SYT7: variants seen among roughly 807,000 people sequenced by gnomAD.
The protein encoded by SYT7 is synaptotagmin-7.
Under a neutral mutation model 75.1 loss-of-function variants are expected in SYT7, and 29 were observed. The ratio of observed to expected loss-of-function variants is 0.39; its 90% CI spans 0.29 to 0.53. The LOEUF (loss-of-function observed/expected upper bound fraction) is 0.53. Among genes scored for constraint, SYT7 ranks in the 20% least tolerant of loss-of-function variants. The pLI is 0.77. For missense variants in SYT7, 693 were observed against 953.2 expected (o/e 0.73, Z 3.59); for synonymous variants, 376 against 401.7 (o/e 0.94, Z 0.76).
intron 3 of SYT7, among the ~76,000 whole-genome samples, chr11:61,549,082 C>G (rs977226499): frequency 1.3e-5 from 2 of 152,162 alleles, no homozygotes; most frequent in Non-Finnish European, 2.9e-5. Context: ...GGCCTCCCTG[C>G]GTCAGGTATA....
chr11:61,585,624 G>T (rs1342076857), upstream of SYT7, among the ~76,000 whole-genome samples: 1 of 152,134 alleles, frequency 6.6e-6, no homozygotes, highest in African/African-American at 2.4e-5. Context: ...AAACTACTAG[G>T]AGGCAGCTGC....
At chr11:61,549,477 A>G (rs2063286129) in intron 3 of SYT7, among the ~76,000 whole-genome samples, 1 of 152,242 alleles carries the variant, frequency 6.6e-6, no homozygotes, top group Non-Finnish European at 1.5e-5. Flanking sequence ...GCCCTGACGA[A>G]CACAGTTTGG....
chr11:61,522,379 G>A (rs943700636), intron 12 of SYT7, among the ~76,000 whole-genome samples: 37 of 151,582 alleles, frequency 2.4e-4, no homozygotes, highest in African/African-American at 8.3e-4. Context: ...TAGTAGAGAC[G>A]GGGTTTCACC....
intron 3 of SYT7, among the ~76,000 whole-genome samples, chr11:61,548,789 G>A (rs1469512242): frequency 1.3e-5 from 2 of 152,238 alleles, no homozygotes; most frequent in Non-Finnish European, 2.9e-5. Flanking sequence ...TGAGAAAGAT[G>A]AAGAGAGGCT....
chr11:61,530,204 G>A (rs1302228340), intron 8 of SYT7, among the ~76,000 whole-genome samples: 1 of 152,214 alleles, frequency 6.6e-6, no homozygotes, highest in Non-Finnish European at 1.5e-5. Flanking sequence ...AATCCTGAGT[G>A]CCCTTCCACC....
rs952367068 is a variant in SYT7, at chr11:61,551,188, G to A, written c.215+196C>T. 4.6e-5 allele frequency among the ~76,000 whole-genome samples: 7 copies of A among 152,124 alleles called. No homozygotes were observed. Among genetic ancestry groups the A allele is most frequent in the African/African-American group, 1.4e-4 (6 of 41,416 alleles). On this transcript the variant is annotated intron_variant, in intron 3 of 12. Transcript: ENST00000539008. This position sits in a 1 kb window ranked among gnomAD's most constrained non-coding sequence, Gnocchi z 5.3. ...GAGGCCAGGGACTCCGGAGCACTAC[G>A]AGGGGCTTGGGCACAGGCAGAAAAG...
chr11:61,536,913 A>G (rs1394443342), intron 7 of SYT7, among the ~76,000 whole-genome samples: 1 of 152,244 alleles, frequency 6.6e-6, no homozygotes, highest in Non-Finnish European at 1.5e-5. Context: ...CCCAGTTCAC[A>G]GGACACATGC....
At chr11:61,529,847 C>T (rs1010976182) in intron 8 of SYT7, among the ~76,000 whole-genome samples, 32 of 152,156 alleles carry the variant, frequency 2.1e-4, no homozygotes, top group African/African-American at 7.5e-4. Flanking sequence ...GTTGGTCAGG[C>T]GAGTCTCTAA....
At chr11:61,571,408 T>C (rs1410289771) in intron 1 of SYT7, among the ~76,000 whole-genome samples, 2 of 152,176 alleles carry the variant, frequency 1.3e-5, no homozygotes. Context: ...CTCTAGCAGG[T>C]CCATGCACAC....
Position 61,551,565 on chromosome 11 carries a change from G to C in SYT7, c.136-102C>G, listed in dbSNP as rs1392702575. 4.1e-6 allele frequency: 5 copies of C among 1,233,132 alleles called. No individual in the cohort carries two copies. The highest frequency in any genetic ancestry group is 5.8e-6 in the Non-Finnish European group (5 of 858,780). 76.4% of individuals were successfully genotyped at this position (1,233,132 alleles called of 1,614,324 possible). A position where few individuals can be genotyped will look rare whatever the true frequency, so the allele number is the denominator to read the frequency against. The stretch of plus-strand genomic sequence containing the variant: ...GGGGAAGGAGATAGACTGGAGTCGG[G>C]CCGTGGCAACAAGGCCAGGACCAGT... On this transcript the variant is annotated intron_variant, in intron 2 of 12. Transcript: ENST00000539008. The surrounding 1 kb of genome is among the most constrained non-coding windows in gnomAD (Gnocchi z 5.3).
chr11:61,518,610 G>A lies in SYT7; in HGVS notation c.*17C>T, dbSNP rs1364444671. ...GGGACCTGGGCCCTCGGCCCCCTGGGCCTCCCTTGGCCCCACTCAGGCCTT... is the reference window on the plus strand; with the variant it reads ...GGGACCTGGGCCCTCGGCCCCCTGGACCTCCCTTGGCCCCACTCAGGCCTT... On this transcript the variant is annotated 3_prime_UTR_variant, in exon 13 of 13. Coordinates refer to ENST00000539008, the MANE Select transcript of SYT7 (RefSeq NM_001365809.2). 1 of 1,523,100 alleles carries A rather than the reference G, an allele frequency of 6.6e-7. No homozygotes were observed. Among genetic ancestry groups the A allele is most frequent in the Non-Finnish European group, 8.8e-7 (1 of 1,131,322 alleles). The allele number at this position is 1,523,100 out of a possible 1,614,324, so 94.3% of individuals were successfully genotyped here.
intron 12 of SYT7, among the ~76,000 whole-genome samples, chr11:61,522,160 T>C (rs1230361272): frequency 6.6e-6 from 1 of 151,964 alleles, no homozygotes; most frequent in African/African-American, 2.4e-5. Context: ...GGTATGAATT[T>C]TTTGGTTACG....
At chr11:61,569,942 C>A (rs552037021) in intron 1 of SYT7, among the ~76,000 whole-genome samples, 4 of 152,216 alleles carry the variant, frequency 2.6e-5, no homozygotes, top group Non-Finnish European at 5.9e-5. Context: ...GGCCACCAGC[C>A]GGCTCAGGCC....
chr11:61,546,205 A>T lies in SYT7; in HGVS notation c.398T>A (p.Val133Glu), dbSNP rs960696033. 1 of 1,496,106 alleles carries T rather than the reference A, an allele frequency of 6.7e-7. No homozygotes were observed. Among genetic ancestry groups the T allele is most frequent in the East Asian group, 2.6e-5 (1 of 38,204 alleles). 92.7% of individuals were successfully genotyped at this position (1,496,106 alleles called of 1,614,324 possible). The change falls in exon 5 of 13, where the codon GTG (valine) becomes GAG (glutamate). Residue 133 changes from valine to glutamate, a missense_variant. By Grantham distance (121) the Val-to-Glu change is moderately radical (BLOSUM62 -2). This residue lies in a region of SYT7 where 487 missense variants were observed against 593.2 expected (regional missense o/e 0.82). Transcript: ENST00000539008. The surrounding 1 kb of genome is among the most constrained non-coding windows in gnomAD (Gnocchi z 7.6). ...AKVAAAAGLA[V>E]EREGRLGEKP... Reference sequence around the variant, plus strand: ...CTCCCCCAGCCGGCCTTCCCGCTCCACCGCCAGCCCCGCCGCGGCGGCCAC... The same window carrying T: ...CTCCCCCAGCCGGCCTTCCCGCTCCTCCGCCAGCCCCGCCGCGGCGGCCAC...
chr11:61,542,632 A>G lies in SYT7; in HGVS notation c.573-53T>C, dbSNP rs2063077021. ...AAGGAGAAGCAGATGAAGGGATCAC[A>G]GTGGAAGAGAAAGAAGCCGAGGGCC... is the stretch of plus-strand genomic sequence containing the variant. On this transcript the variant is annotated intron_variant, in intron 5 of 12. Transcript: ENST00000539008. This position sits in a 1 kb window ranked among gnomAD's most constrained non-coding sequence, Gnocchi z 7.8. 2.8e-6 allele frequency: 4 copies of G among 1,435,066 alleles called. No homozygotes were observed. Among genetic ancestry groups the G allele is most frequent in the Non-Finnish European group, 3.6e-6 (4 of 1,098,720 alleles). The allele number at this position is 1,435,066 out of a possible 1,614,324, so 88.9% of individuals were successfully genotyped here.
chr11:61,546,417 A>C lies in SYT7; in HGVS notation c.348-162T>G, dbSNP rs1023381507. The C allele has an allele frequency of 8.9e-6, 5 of 564,028 alleles. No individual in the cohort carries two copies. The highest frequency in any genetic ancestry group is 7.9e-5 in the African/African-American group (4 of 50,776). The allele number at this position is 564,028 out of a possible 1,614,324, so 34.9% of individuals were successfully genotyped here. ...TGAGAGAGGAGGAGGAGAGAGACAG[A>C]CGGACATGAGACAGACAGAGAGAGA... is the stretch of plus-strand genomic sequence containing the variant. On this transcript the variant is annotated intron_variant, in intron 4 of 12. Coordinates refer to ENST00000539008, the MANE Select transcript of SYT7 (RefSeq NM_001365809.2). The surrounding 1 kb of genome is among the most constrained non-coding windows in gnomAD (Gnocchi z 7.6).
intron 1 of SYT7, among the ~76,000 whole-genome samples, chr11:61,575,541 T>A (rs2064048034): frequency 6.6e-6 from 1 of 152,142 alleles, no homozygotes; most frequent in Non-Finnish European, 1.5e-5. Context: ...GCTCCCATGA[T>A]CACCCCCGTC....
At chr11:61,521,978 C>G (rs917869069) in intron 12 of SYT7, among the ~76,000 whole-genome samples, 1 of 152,166 alleles carries the variant, frequency 6.6e-6, no homozygotes, top group Non-Finnish European at 1.5e-5. Context: ...AAATGAGGCT[C>G]AGAGAGGTTA....
chr11:61,530,708 G>T, intron 8 of SYT7: 1 of 802,148 alleles, frequency 1.2e-6, no homozygotes, highest in Non-Finnish European at 1.5e-6. Flanking sequence ...CTGGTCCCTT[G>T]GCTCCTGGCT....
Sources: allele counts gnomAD v4.1 joint callset (sites outside exome capture counted in the v4.1 genomes callset), GRCh38; gene constraint gnomAD v4.1.1; regional missense constraint gnomAD v4.1.1; non-coding constraint Gnocchi (gnomAD v3.1); transcripts MANE v1.5; gene names NCBI Gene and HGNC (gene_info 2026-07-23, HGNC 2026-07-21).